Variants in RASA3 observed in about 807,000 individuals in gnomAD.
The protein encoded by RASA3 is RAS p21 protein activator 3, also known as ras GTPase-activating protein 3.
In RASA3, 73 loss-of-function variants were observed where a neutral mutation model predicts 110.0. The observed-to-expected ratio is 0.66, with a 90% confidence interval of 0.55 to 0.81. The LOEUF (loss-of-function observed/expected upper bound fraction) is 0.81, where lower values mean the gene tolerates loss of function less well. Ranked by LOEUF, RASA3 falls within the 30% of genes least tolerant of loss-of-function variation. The pLI, the probability that RASA3 is intolerant of heterozygous loss-of-function variation, is 0.00. For synonymous variants in RASA3, 500 were observed against 451.4 expected (o/e 1.11, Z -1.37); for missense variants, 976 against 1,113.2 (o/e 0.88, Z 1.75).
chr13:114,132,577 AG>A lies in RASA3; in HGVS notation c.-89del. 8.7e-7 allele frequency: 1 copy of A among 1,154,176 alleles called. No individual in the cohort carries two copies. The highest frequency in any genetic ancestry group is 1.1e-6 in the Non-Finnish European group (1 of 924,610). 71.5% of individuals were successfully genotyped at this position (1,154,176 alleles called of 1,614,324 possible). Reference sequence around the variant, plus strand: ...CGAGCAGGAGGAGCGGCGGCGCCGGAGCCCCGAGCGCGGCCGAGGGTCCGCC... The same window carrying A: ...CGAGCAGGAGGAGCGGCGGCGCCGGACCCCGAGCGCGGCCGAGGGTCCGCC... On this transcript the variant is annotated 5_prime_UTR_variant, in exon 1 of 24. Coordinates refer to ENST00000334062, the MANE Select transcript of RASA3 (RefSeq NM_007368.4).
rs547345489 is a variant in RASA3 at position 114,056,173 on chromosome 13, G to A, written c.174-4018C>T. On this transcript the variant is annotated intron_variant, in intron 2 of 23. Transcript: ENST00000334062. The surrounding 1 kb of genome is among the most constrained non-coding windows in gnomAD (Gnocchi z 5.7). ...GAAGGCAGGGAGGAGGAAGTGGGTC[G>A]GGCTGGATTGCATGTCTGATGTGTG... 9.3e-4 allele frequency among the ~76,000 whole-genome samples: 141 copies of A among 152,306 alleles called. No individual in the cohort carries two copies. Among genetic ancestry groups the A allele is most frequent in the Non-Finnish European group, 1.5e-3 (105 of 68,020 alleles).
intron 1 of RASA3, among the ~76,000 whole-genome samples, chr13:114,090,912 C>T (rs2079883138): frequency 6.6e-6 from 1 of 152,026 alleles, no homozygotes; most frequent in Non-Finnish European, 1.5e-5. Flanking sequence ...TTGAAGGTTT[C>T]CCTATAAAAT....
rs1180810937 is a variant in RASA3 at position 114,114,413 on chromosome 13, G to A, written c.55+18022C>T. On this transcript the variant is annotated intron_variant, in intron 1 of 23. Coordinates refer to ENST00000334062, the MANE Select transcript of RASA3 (RefSeq NM_007368.4). This position sits in a 1 kb window ranked among gnomAD's most constrained non-coding sequence, Gnocchi z 4.8. ...CTGGCACGCAGAGGGGTGAAGGAAC[G>A]GGGACACGGATGGATGGAGGGAGAT... Among the ~76,000 whole-genome samples, 3 of 152,206 alleles carry A rather than the reference G, an allele frequency of 2.0e-5. No individual in the cohort carries two copies. The highest frequency in any genetic ancestry group is 1.9e-4 in the East Asian group (1 of 5,198).
chr13:113,980,437 A>G (rs10162009), intron 23 of RASA3, among the ~76,000 whole-genome samples: 1 of 84,422 alleles, frequency 1.2e-5, no homozygotes, highest in Admixed American at 1.0e-4. Flanking sequence ...CCGTGTGTGC[A>G]CCTCCTGCCA....
rs199764655 is a variant in RASA3, at chr13:114,015,365, C to G, written c.1282-33G>C. ...GGGACACGGCACTGGGACCCACTCC[C>G]GAGGCTGCCCACAGGTGCGTGTAGC... On this transcript the variant is annotated intron_variant, in intron 13 of 23. Transcript: ENST00000334062. 61 of 1,609,466 alleles carry G rather than the reference C, an allele frequency of 3.8e-5. No individual in the cohort carries two copies. In the African/African-American group the frequency reaches 7.1e-4, roughly 19 times the overall value.
At chr13:114,077,123 G>T (rs2079697559) in intron 1 of RASA3, among the ~76,000 whole-genome samples, 1 of 152,184 alleles carries the variant, frequency 6.6e-6, no homozygotes, top group Non-Finnish European at 1.5e-5. Flanking sequence ...ACTGAGATTT[G>T]TTCCCACAGG....
chr13:114,105,474 G>A (rs1464376329), intron 1 of RASA3, among the ~76,000 whole-genome samples: 2 of 152,162 alleles, frequency 1.3e-5, no homozygotes. Flanking sequence ...AGGGGAAAAG[G>A]GCTCAGGAGG....
chr13:114,065,221 C>A lies in RASA3; in HGVS notation c.173+8499G>T, dbSNP rs1296675141. Reference sequence around the variant, plus strand: ...TTCTCCTCCCTGAGTCACTTCCCAGCATCTGCGCAAGGCTGGCGCTGCCCC... The same window carrying A: ...TTCTCCTCCCTGAGTCACTTCCCAGAATCTGCGCAAGGCTGGCGCTGCCCC... On this transcript the variant is annotated intron_variant, in intron 2 of 23. Transcript: ENST00000334062. The surrounding 1 kb of genome is among the most constrained non-coding windows in gnomAD (Gnocchi z 4.1). 6.6e-6 allele frequency among the ~76,000 whole-genome samples: 1 copy of A among 152,234 alleles called. No individual in the cohort carries two copies. The highest frequency in any genetic ancestry group is 2.4e-5 in the African/African-American group (1 of 41,460).
chr13:114,104,956 G>A (rs538699387), intron 1 of RASA3, among the ~76,000 whole-genome samples: 8 of 148,204 alleles, frequency 5.4e-5, no homozygotes, highest in African/African-American at 1.5e-4. Context: ...CCACACCAGC[G>A]TCAGCAGCCC....
chr13:114,088,660 C>G (rs1380833991), intron 1 of RASA3, among the ~76,000 whole-genome samples: 4 of 152,018 alleles, frequency 2.6e-5, no homozygotes, highest in Admixed American at 6.6e-5. Flanking sequence ...CAAACAGTCT[C>G]CTGCCTCAGC....
chr13:114,099,156 C>G (rs548785817), intron 1 of RASA3, among the ~76,000 whole-genome samples: 1 of 133,674 alleles, frequency 7.5e-6, no homozygotes, highest in South Asian at 2.6e-4. Flanking sequence ...GCCACCCGAG[C>G]CCCCCAGACC....
chr13:114,067,030 A>C (rs1329670864), intron 2 of RASA3, among the ~76,000 whole-genome samples: 1 of 137,152 alleles, frequency 7.3e-6, no homozygotes, highest in Non-Finnish European at 1.6e-5. Flanking sequence ...GGGCCCCCTG[A>C]CCTGGGCTGA....
At chr13:114,050,604 C>T (rs1408792849) in intron 3 of RASA3, among the ~76,000 whole-genome samples, 1 of 152,256 alleles carries the variant, frequency 6.6e-6, no homozygotes, top group Non-Finnish European at 1.5e-5. Context: ...GCCTCTCACC[C>T]AGCCAAGCCC....
At chr13:114,090,908 G>T (rs2079883101) in intron 1 of RASA3, among the ~76,000 whole-genome samples, 1 of 152,052 alleles carries the variant, frequency 6.6e-6, no homozygotes, top group Admixed American at 6.5e-5. Flanking sequence ...ATTTTTGAAG[G>T]TTTCCCTATA....
At chr13:114,015,444 G>A (rs2139283899) in intron 13 of RASA3, 112 bp from the exon 14 acceptor site, 2 of 1,333,774 alleles carry the variant, frequency 1.5e-6, no homozygotes, top group South Asian at 1.3e-5. Context: ...GCGGGCGCAG[G>A]GCAGCTGCGG....
At position 114,021,584 on chromosome 13, in the gene RASA3, GTTCCCC is replaced by G. The variant is rs2053928504; in HGVS notation, c.681-82_681-77del. 5.0e-6 allele frequency: 6 copies of G among 1,197,580 alleles called. No individual in the cohort carries two copies. In the African/African-American group the frequency reaches 8.9e-5, roughly 18 times the overall value. The allele number at this position is 1,197,580 out of a possible 1,614,324, so 74.2% of individuals were successfully genotyped here. A position where few individuals can be genotyped will look rare whatever the true frequency, so the allele number is the denominator to read the frequency against. ...GAGCAAAGATGACAGGCCACGCTTTGTTCCCCCAGGAGCAGAATGGAGCCTGCAGCG... is the reference window on the plus strand; with the variant it reads ...GAGCAAAGATGACAGGCCACGCTTTGCAGGAGCAGAATGGAGCCTGCAGCG... On this transcript the variant is annotated intron_variant, in intron 8 of 23. Coordinates refer to ENST00000334062, the MANE Select transcript of RASA3 (RefSeq NM_007368.4).
At chr13:114,102,722 A>C (rs2080075687) in intron 1 of RASA3, among the ~76,000 whole-genome samples, 1 of 152,078 alleles carries the variant, frequency 6.6e-6, no homozygotes, top group Non-Finnish European at 1.5e-5. Context: ...GTCCTGCCTC[A>C]CCTACCCCCA....
intron 21 of RASA3, among the ~76,000 whole-genome samples, chr13:113,993,569 A>G (rs936003320): frequency 1.3e-5 from 2 of 151,760 alleles, no homozygotes; most frequent in Admixed American, 6.6e-5. Flanking sequence ...CACTTTTGGG[A>G]GGCCGAGGCA....
intron 18 of RASA3, among the ~76,000 whole-genome samples, chr13:114,001,546 G>A (rs1042521915): frequency 6.6e-5 from 10 of 150,554 alleles, no homozygotes; most frequent in Admixed American, 2.6e-4. Flanking sequence ...ACCTACAGCC[G>A]CGGGCTCAGG....
Sources: gnomAD v4.1 joint callset for allele counts (sites outside exome capture counted in the v4.1 genomes callset) on GRCh38, gnomAD v4.1.1 for gene constraint, Gnocchi (gnomAD v3.1) non-coding constraint, MANE v1.5 for transcripts, NCBI Gene and HGNC (gene_info 2026-07-23, HGNC 2026-07-21) for gene names.